The following ITGA9 variants were observed in gnomAD, a reference collection of about 807,000 sequenced individuals.
The protein encoded by ITGA9 is integrin alpha-9.
ITGA9 carries 56 observed loss-of-function variants against 127.8 expected under a neutral mutation model. The observed-to-expected ratio is 0.44, with a 90% CI of 0.35 to 0.55. ITGA9 has a LOEUF of 0.55. Ranked by LOEUF, ITGA9 falls within the 20% of genes least tolerant of loss-of-function variation. The pLI, the probability that ITGA9 is intolerant of heterozygous loss-of-function variation, is 0.00. For missense variants in ITGA9, 1,196 were observed against 1,347.1 expected, an observed-to-expected ratio of 0.89 and a Z score of 1.76; for synonymous variants, 508 against 514.5, an observed-to-expected ratio of 0.99 and a Z score of 0.17.
At chr3:37,736,840 T>C (rs1696368081) in intron 19 of ITGA9, 64 bp from the exon 20 acceptor site, 1 of 1,036,242 alleles carries the variant, frequency 9.7e-7, no homozygotes, top group Non-Finnish European at 1.5e-6. Flanking sequence ...CTGCAGAAGA[T>C]GGAAGAGAAC....
intron 11 of ITGA9, among the ~76,000 whole-genome samples, chr3:37,522,649 G>T (rs565156426): frequency 6.6e-6 from 1 of 151,740 alleles, no homozygotes; most frequent in South Asian, 2.1e-4. Flanking sequence ...CTTAAGCCCA[G>T]GAGTTTGAGG....
chr3:37,459,504 C>T (rs1698294619), intron 1 of ITGA9, among the ~76,000 whole-genome samples: 1 of 152,218 alleles, frequency 6.6e-6, no homozygotes, highest in Non-Finnish European at 1.5e-5. Context: ...TAGGTTATAT[C>T]CTCATGACCT....
intron 15 of ITGA9, among the ~76,000 whole-genome samples, chr3:37,559,968 A>G (rs930956309): frequency 1.3e-5 from 2 of 152,042 alleles, no homozygotes; most frequent in African/African-American, 2.4e-5. Context: ...TTTTAAAATT[A>G]TGCTTTAACT....
At chr3:37,607,896 T>A (rs138589078) in intron 15 of ITGA9, among the ~76,000 whole-genome samples, 4 of 152,282 alleles carry the variant, frequency 2.6e-5, no homozygotes, top group African/African-American at 9.6e-5. Flanking sequence ...ACAATTCAAA[T>A]TGAATAGGAA....
intron 4 of ITGA9, among the ~76,000 whole-genome samples, chr3:37,492,267 A>C (rs181339391): frequency 1.8e-4 from 28 of 152,280 alleles, no homozygotes; most frequent in African/African-American, 6.7e-4. Context: ...GGCAGCTTAG[A>C]CTTTGGGTTT....
At chr3:37,551,582 GTGTCACTATTCTTT>G (rs1054113513) in intron 15 of ITGA9, among the ~76,000 whole-genome samples, 1 of 152,156 alleles carries the variant, frequency 6.6e-6, no homozygotes, top group African/African-American at 2.4e-5. Context: ...GGCCCAAATT[GTGTCACTATTCTTT>G]CCTTTGTCTT....
chr3:37,727,303 C>T (rs1696223605), intron 18 of ITGA9, among the ~76,000 whole-genome samples: 1 of 152,214 alleles, frequency 6.6e-6, no homozygotes, highest in Admixed American at 6.5e-5. Flanking sequence ...TTAATTGAAT[C>T]TTCTGTAATC....
At chr3:37,675,433 G>A (rs980149811) in intron 17 of ITGA9, among the ~76,000 whole-genome samples, 2 of 152,104 alleles carry the variant, frequency 1.3e-5, no homozygotes, top group Admixed American at 1.3e-4. Context: ...AACCACCTCT[G>A]GAATAAACAA....
chr3:37,476,186 T>G (rs1275950577), intron 3 of ITGA9, among the ~76,000 whole-genome samples: 1 of 152,256 alleles, frequency 6.6e-6, no homozygotes, highest in Non-Finnish European at 1.5e-5. Context: ...TTGTTTTCAG[T>G]TCTTTGGGGT....
In ITGA9 at chr3:37,452,630, G is replaced by A; in HGVS notation, c.185+71G>A. The A allele has an allele frequency of 4.5e-6, 6 of 1,319,920 alleles. No individual in the cohort carries two copies. The highest frequency in any genetic ancestry group is 1.5e-5 in the South Asian group (1 of 64,522). The allele number at this position is 1,319,920 out of a possible 1,614,324, so 81.8% of individuals were successfully genotyped here. The stretch of plus-strand genomic sequence containing the variant: ...CCCCGGCCCCCAGGCCAGCGCCGCC[G>A]CCGCCTTTCCGGTCTCTTCCACGCC... On this transcript the variant is annotated intron_variant, in intron 1 of 27. Transcript: ENST00000264741. The surrounding 1 kb of genome is among the most constrained non-coding windows in gnomAD (Gnocchi z 7.3).
At chr3:37,647,489 T>A (rs1236972435) in intron 16 of ITGA9, among the ~76,000 whole-genome samples, 1 of 150,114 alleles carries the variant, frequency 6.7e-6, no homozygotes, top group Non-Finnish European at 1.5e-5. Flanking sequence ...GCACTTGGAA[T>A]CTACTTTATT....
chr3:37,511,586 A>T (rs1324748653), intron 8 of ITGA9, among the ~76,000 whole-genome samples: 1 of 152,160 alleles, frequency 6.6e-6, no homozygotes, highest in Non-Finnish European at 1.5e-5. Flanking sequence ...TGTCTTACTG[A>T]TTTCTTTTAC....
chr3:37,671,342 C>A (rs1345250727), intron 17 of ITGA9, among the ~76,000 whole-genome samples: 1 of 152,176 alleles, frequency 6.6e-6, no homozygotes, highest in African/African-American at 2.4e-5. Flanking sequence ...GACTGAGCTG[C>A]CTTGAGGGAC....
intron 1 of ITGA9, among the ~76,000 whole-genome samples, chr3:37,456,208 A>G (rs1338513473): frequency 2.6e-5 from 4 of 152,194 alleles, no homozygotes; most frequent in Admixed American, 1.3e-4. Flanking sequence ...ATCCTGGACA[A>G]TGTTCCAGAT....
intron 3 of ITGA9, among the ~76,000 whole-genome samples, chr3:37,479,418 T>A (rs1389382569): frequency 6.6e-6 from 1 of 152,064 alleles, no homozygotes; most frequent in Admixed American, 6.5e-5. Context: ...GTTTTGAGAG[T>A]CATTCTGAGT....
rs570342070 is a variant in ITGA9, at chr3:37,683,720, C to G, written c.1917-145C>G. ...GAGGCCCTAGAGCTAACTGATTGCC[C>G]AAGGACACATGGCTAGTTAATGGGG... On this transcript the variant is annotated intron_variant, in intron 17 of 27. Coordinates refer to ENST00000264741, the MANE Select transcript of ITGA9 (RefSeq NM_002207.3). 156 of 809,182 alleles carry G rather than the reference C, an allele frequency of 1.9e-4. 1 individual carries two copies. In the South Asian group the frequency reaches 2.2e-3, roughly 12 times the overall value. 50.1% of individuals were successfully genotyped at this position (809,182 alleles called of 1,614,324 possible).
intron 18 of ITGA9, among the ~76,000 whole-genome samples, chr3:37,715,459 A>G (rs1401106974): frequency 6.6e-6 from 1 of 152,164 alleles, no homozygotes; most frequent in Non-Finnish European, 1.5e-5. Flanking sequence ...GAATCTGTAA[A>G]GAGGAGAGTG....
chr3:37,815,468 G>T (rs1003666929), intron 27 of ITGA9, among the ~76,000 whole-genome samples: 1 of 152,096 alleles, frequency 6.6e-6, no homozygotes, highest in African/African-American at 2.4e-5. Context: ...AATTAGCTGG[G>T]CAGGGTGGTA....
chr3:37,789,723 C>A lies in ITGA9; in HGVS notation c.2889+4645C>A, dbSNP rs182514820. On this transcript the variant is annotated intron_variant, in intron 26 of 27. Transcript: ENST00000264741. The stretch of plus-strand genomic sequence containing the variant: ...GGCGGAGCTTGCAGTGAGCTGAGAT[C>A]ACGCCACTGCACTCCAGCCTGGGTG... Among the ~76,000 whole-genome samples, 188 of 136,506 alleles carry A rather than the reference C, an allele frequency of 1.4e-3. 3 individuals carry two copies. The highest frequency in any genetic ancestry group is 5.0e-3 in the African/African-American group (179 of 36,104). 89.6% of individuals were successfully genotyped at this position (136,506 alleles called of 152,430 possible). A position where few individuals can be genotyped will look rare whatever the true frequency, so the allele number is the denominator to read the frequency against.
Sources: allele counts gnomAD v4.1 joint callset (sites outside exome capture counted in the v4.1 genomes callset), GRCh38; gene constraint gnomAD v4.1.1; non-coding constraint Gnocchi (gnomAD v3.1); transcripts MANE v1.5; gene names NCBI Gene and HGNC (gene_info 2026-07-23, HGNC 2026-07-21).